Variants in PHACTR2 observed in about 807,000 individuals in gnomAD.
PHACTR2 encodes phosphatase and actin regulator 2, also known as chromosome 6 open reading frame 56.
A neutral mutation model predicts 76.0 loss-of-function variants in PHACTR2; 30 were observed. The ratio of observed to expected loss-of-function variants is 0.39; its 90% CI spans 0.30 to 0.54. The LOEUF (loss-of-function observed/expected upper bound fraction) is 0.54. PHACTR2 is among the 20% of genes least tolerant of loss of function. The pLI is 0.61. For missense variants in PHACTR2, 696 were observed against 781.1 expected, an observed-to-expected ratio of 0.89 and a Z score of 1.30; for synonymous variants, 292 against 292.5, an observed-to-expected ratio of 1.00 and a Z score of 0.02.
chr6:143,628,928 T>G (rs1329041748), intron 1 of PHACTR2, among the ~76,000 whole-genome samples: 2 of 3,426 alleles, frequency 5.8e-4, no homozygotes, highest in Non-Finnish European at 8.1e-4. Context: ...GCAGGAGATA[T>G]ATATATATAT....
chr6:143,772,470 T>C lies in PHACTR2; in HGVS notation c.1432+13T>C. On this transcript the variant is annotated intron_variant, in intron 7 of 12. Coordinates refer to ENST00000440869, the MANE Select transcript of PHACTR2 (RefSeq NM_001100164.2). This position sits in a 1 kb window ranked among gnomAD's most constrained non-coding sequence, Gnocchi z 5.4. ...GGCAGTGGAGAAAGTAAGACTGTTT[T>C]CAAGAGGCAGGGAGGAGCGTGGGTG... 1 of 1,604,368 alleles carries C rather than the reference T, an allele frequency of 6.2e-7. No homozygotes were observed. The highest frequency in any genetic ancestry group is 8.5e-7 in the Non-Finnish European group (1 of 1,172,316).
chr6:143,758,051 A>G (rs1779346366), intron 4 of PHACTR2, among the ~76,000 whole-genome samples: 2 of 152,198 alleles, frequency 1.3e-5, no homozygotes, highest in Non-Finnish European at 2.9e-5. Context: ...CGAAGAGTCA[A>G]GAGGAGCGGA....
chr6:143,781,153 G>T (rs927069100), intron 9 of PHACTR2, among the ~76,000 whole-genome samples: 2 of 152,174 alleles, frequency 1.3e-5, no homozygotes, highest in African/African-American at 4.8e-5. Flanking sequence ...AGTCATGTTG[G>T]CTTCCCTCTA....
chr6:143,540,572 G>C (rs1781163788), intron 1 of PHACTR2, among the ~76,000 whole-genome samples: 1 of 152,122 alleles, frequency 6.6e-6, no homozygotes, highest in South Asian at 2.1e-4. Context: ...GGTACCCCAA[G>C]AGAATCGGCT....
intron 1 of PHACTR2, among the ~76,000 whole-genome samples, chr6:143,544,776 G>A (rs1781207715): frequency 6.6e-6 from 1 of 152,144 alleles, no homozygotes; most frequent in Non-Finnish European, 1.5e-5. Context: ...CACACTAGGT[G>A]CTCAGTAGAT....
chr6:143,737,379 C>T (rs896692795), intron 2 of PHACTR2, among the ~76,000 whole-genome samples: 3 of 151,958 alleles, frequency 2.0e-5, no homozygotes, highest in Admixed American at 1.3e-4. Context: ...AAGTGATCCT[C>T]CTGTCTCGGC....
At position 143,585,996 on chromosome 6, in the gene PHACTR2, A is replaced by G. The variant is rs1011426744; in HGVS notation, c.217+48789A>G. On this transcript the variant is annotated intron_variant, in intron 1 of 11. Transcript: ENST00000367584. The surrounding 1 kb of genome is among the most constrained non-coding windows in gnomAD (Gnocchi z 5.2). ...GGATGAGACCCTGGCCTTATGCATC[A>G]TATTAAATGGAAGAGAAGTTTTTAT... Among the ~76,000 whole-genome samples, 4 of 152,188 alleles carry G rather than the reference A, an allele frequency of 2.6e-5. No homozygotes were observed. The highest frequency in any genetic ancestry group is 2.0e-4 in the Admixed American group (3 of 15,280).
rs1002818951 is a variant in PHACTR2, at chr6:143,780,367, C to T, written c.1646-2852C>T. On this transcript the variant is annotated intron_variant, in intron 9 of 12. Transcript: ENST00000440869. This position sits in a 1 kb window ranked among gnomAD's most constrained non-coding sequence, Gnocchi z 4.4. ...TGGCTTATGCCTGTAATCCCAAAGC[C>T]TTGTGAGGCCAAGGCAGGAGAATTG... Among the ~76,000 whole-genome samples the T allele has an allele frequency of 2.0e-5, 3 of 151,994 alleles. No homozygotes were observed. The highest frequency in any genetic ancestry group is 7.3e-5 in the African/African-American group (3 of 41,364).
chr6:143,790,299 T>C (rs1375601985), intron 11 of PHACTR2, among the ~76,000 whole-genome samples: 1 of 152,122 alleles, frequency 6.6e-6, no homozygotes, highest in Admixed American at 6.6e-5. Context: ...TGAACAATTT[T>C]TTATGTGGTG....
chr6:143,827,294 A>G lies in PHACTR2; in HGVS notation c.*3605A>G, dbSNP rs1340213848. ...TGTACCATATTAACACATAACAGGC[A>G]TTTTATTTATGCTTCATAGAATCAG... On this transcript the variant is annotated 3_prime_UTR_variant, in exon 13 of 13. Coordinates refer to ENST00000440869, the MANE Select transcript of PHACTR2 (RefSeq NM_001100164.2). 6.6e-6 allele frequency: 1 copy of G among 150,514 alleles called. No homozygotes were observed. The highest frequency in any genetic ancestry group is 1.5e-5 in the Non-Finnish European group (1 of 67,708). The allele number at this position is 150,514 out of a possible 1,614,324, so 9.3% of individuals were successfully genotyped here. A position where few individuals can be genotyped will look rare whatever the true frequency, so the allele number is the denominator to read the frequency against.
chr6:143,698,900 T>C lies in PHACTR2; in HGVS notation c.47-13116T>C, dbSNP rs932424701. ...TATCTCCTTCCTCCTCTCCCTTGGA[T>C]TGTCCGAACCCTGGGTCTCCTTGGC... On this transcript the variant is annotated intron_variant, in intron 1 of 12. Coordinates refer to ENST00000440869, the MANE Select transcript of PHACTR2 (RefSeq NM_001100164.2). The surrounding 1 kb of genome is among the most constrained non-coding windows in gnomAD (Gnocchi z 4.3). 1.3e-4 allele frequency among the ~76,000 whole-genome samples: 20 copies of C among 152,214 alleles called. No homozygotes were observed. The highest frequency in any genetic ancestry group is 4.8e-4 in the African/African-American group (20 of 41,450).
At chr6:143,538,254 C>T (rs1450033990) in intron 1 of PHACTR2, among the ~76,000 whole-genome samples, 2 of 152,236 alleles carry the variant, frequency 1.3e-5, no homozygotes, top group African/African-American at 2.4e-5. Context: ...AGTTGTGTGA[C>T]GTTGGGCAAA....
intron 10 of PHACTR2, among the ~76,000 whole-genome samples, chr6:143,786,861 G>C (rs1010603436): frequency 6.6e-6 from 1 of 152,116 alleles, no homozygotes; most frequent in Non-Finnish European, 1.5e-5. Context: ...GGGAATTCTG[G>C]AGATACAATT....
chr6:143,564,196 CATAT>C (rs59017997), intron 1 of PHACTR2, among the ~76,000 whole-genome samples: 1,548 of 40,268 alleles, frequency 0.038, 32 homozygotes, highest in Non-Finnish European at 0.05. Flanking sequence ...TGTGTGTGTG[CATAT>C]ATATATATAT....
At position 143,790,675 on chromosome 6, in the gene PHACTR2, TC is replaced by T. The variant is rs1352615888; in HGVS notation, c.1845+1766del. ...GTTGCAAATATTGATTTAACAAGAT[TC>T]TTTTTTTTTTTTTTTGAGACGGAGT... On this transcript the variant is annotated intron_variant, in intron 11 of 12. Coordinates refer to ENST00000440869, the MANE Select transcript of PHACTR2 (RefSeq NM_001100164.2). 5.8e-5 allele frequency among the ~76,000 whole-genome samples: 8 copies of T among 137,026 alleles called. No homozygotes were observed. The East Asian group carries it at 1.2e-3, about 21-fold the overall frequency. 89.9% of individuals were successfully genotyped at this position (137,026 alleles called of 152,430 possible).
intron 2 of PHACTR2, among the ~76,000 whole-genome samples, chr6:143,719,813 C>CTT (rs10675688): frequency 0.038 from 3,555 of 94,794 alleles, 625 homozygotes; most frequent in African/African-American, 0.15. Flanking sequence ...GTGTTCGACA[C>CTT]TTTTTTTTTT....
intron 1 of PHACTR2, chr6:143,555,249 G>A (rs749734910): frequency 1.3e-5 from 2 of 152,156 alleles, no homozygotes; most frequent in Non-Finnish European, 1.5e-5. Context: ...AAATACAGAA[G>A]AGAAGCTATT....
At chr6:143,702,773 C>CT (rs1190039194) in intron 1 of PHACTR2, among the ~76,000 whole-genome samples, 5,842 of 99,998 alleles carry the variant, frequency 0.058, 767 homozygotes, top group African/African-American at 0.2. Flanking sequence ...ATATATACAA[C>CT]TTTTTTTTTT....
At position 143,639,945 on chromosome 6, in the gene PHACTR2, C is replaced by T. The variant is rs1479103224; in HGVS notation, c.13+31623C>T. 6.6e-6 allele frequency among the ~76,000 whole-genome samples: 1 copy of T among 152,170 alleles called. No homozygotes were observed. The highest frequency in any genetic ancestry group is 1.5e-5 in the Non-Finnish European group (1 of 68,012). ...AGCTGGAGGAAGCAAGGAATAACAA[C>T]TTGTTATTAATAGAGTCATGTGCTA... is the stretch of plus-strand genomic sequence containing the variant. On this transcript the variant is annotated intron_variant, in intron 1 of 11. Transcript: ENST00000305766. This position sits in a 1 kb window ranked among gnomAD's most constrained non-coding sequence, Gnocchi z 5.0.
Sources: allele counts gnomAD v4.1 joint callset (sites outside exome capture counted in the v4.1 genomes callset), GRCh38; gene constraint gnomAD v4.1.1; non-coding constraint Gnocchi (gnomAD v3.1); transcripts MANE v1.5; gene names NCBI Gene and HGNC (gene_info 2026-07-23, HGNC 2026-07-21).